Variants in MYO5A observed in about 807,000 individuals in gnomAD.
MYO5A encodes the protein unconventional myosin-Va.
MYO5A carries 98 observed loss-of-function variants against 249.7 expected under a neutral mutation model. The observed-to-expected ratio is 0.39, with a 90% CI of 0.33 to 0.46. The LOEUF is 0.46. MYO5A is among the 20% of genes least tolerant of loss of function. The pLI, the probability that MYO5A is intolerant of heterozygous loss-of-function variation, is 0.98. For synonymous variants in MYO5A, 778 were observed against 810.6 expected, an observed-to-expected ratio of 0.96 and a Z score of 0.68; for missense variants, 1,696 against 2,308.8, an observed-to-expected ratio of 0.73 and a Z score of 5.44.
At chr15:52,344,011 C>T (rs758387898) in intron 30 of MYO5A, among the ~76,000 whole-genome samples, 36 of 152,280 alleles carry the variant, frequency 2.4e-4, no homozygotes, top group Non-Finnish European at 4.3e-4. Context: ...CAGAGGAAGA[C>T]GCAGAGGCTT....
intron 35 of MYO5A, 57 bp from the exon 36 acceptor site, chr15:52,328,063 A>G: frequency 7.4e-7 from 1 of 1,360,418 alleles, no homozygotes; most frequent in Non-Finnish European, 1.0e-6. Flanking sequence ...CGAGGCATGC[A>G]TTGTGAGATA....
chr15:52,493,790 G>A lies in MYO5A; in HGVS notation c.27+34990C>T, dbSNP rs1028355089. Reference sequence around the variant, plus strand: ...ACAAGGTCCACACACTAGAAATACCGTGCATTCTGAGTTACTGTTACACAG... The same window carrying A: ...ACAAGGTCCACACACTAGAAATACCATGCATTCTGAGTTACTGTTACACAG... On this transcript the variant is annotated intron_variant, in intron 1 of 41. Transcript: ENST00000399233. Among the ~76,000 whole-genome samples, 9 of 152,280 alleles carry A rather than the reference G, an allele frequency of 5.9e-5. No homozygotes were observed. The East Asian group carries it at 1.2e-3, about 20-fold the overall frequency.
At chr15:52,357,191 T>A (rs1331495346) in intron 25 of MYO5A, among the ~76,000 whole-genome samples, 1 of 152,132 alleles carries the variant, frequency 6.6e-6, no homozygotes, top group Non-Finnish European at 1.5e-5. Context: ...TATTGAAGCT[T>A]ATTTACAATG....
At chr15:52,509,064 C>T (rs2077335674) in intron 1 of MYO5A, among the ~76,000 whole-genome samples, 1 of 151,922 alleles carries the variant, frequency 6.6e-6, no homozygotes, top group Non-Finnish European at 1.5e-5. Flanking sequence ...CTCAACCTCT[C>T]GGGCTCAAGT....
At chr15:52,396,490 G>A in intron 10 of MYO5A, 93 bp from the exon 11 acceptor site, 1 of 729,310 alleles carries the variant, frequency 1.4e-6, no homozygotes, top group East Asian at 2.7e-5. Context: ...GAAAGAAGTG[G>A]GACATTCCCC....
At chr15:52,515,290 G>A (rs2077474397) in intron 1 of MYO5A, among the ~76,000 whole-genome samples, 1 of 149,882 alleles carries the variant, frequency 6.7e-6, no homozygotes, top group African/African-American at 2.5e-5. Flanking sequence ...AAAAAAAAAA[G>A]AAAGAAAGAA....
intron 32 of MYO5A, among the ~76,000 whole-genome samples, chr15:52,339,545 A>C (rs1483407386): frequency 1.3e-5 from 2 of 151,542 alleles, no homozygotes; most frequent in Non-Finnish European, 2.9e-5. Flanking sequence ...GGAACAAGGC[A>C]AAAAAAAGAA....
Position 52,364,636 on chromosome 15 carries a change from A to C in MYO5A, c.3227T>G (p.Leu1076Arg). The C allele has an allele frequency of 6.2e-7, 1 of 1,613,678 alleles. No individual in the cohort carries two copies. Among genetic ancestry groups the C allele is most frequent in the Non-Finnish European group, 8.5e-7 (1 of 1,179,712 alleles). The change falls in exon 24 of 42, where the codon CTG (leucine) becomes CGG (arginine). Residue 1076 changes from leucine (L) to arginine (R), a missense_variant. Leu to Arg is a moderately radical substitution (Grantham distance 102, BLOSUM62 -2). Around this residue, in one of 5 missense-constraint regions of MYO5A, gnomAD observed 412 missense variants for 453.3 expected, o/e 0.91. Transcript: ENST00000399233. ...QLELDLNDER[L>R]RYQNLLNEFS... ...CTCATTCAGAAGGTTCTGATATCTC[A>C]GCCTTTCATCATTAAGGTCGAGTTC...
chr15:52,463,011 T>C (rs962706747), intron 1 of MYO5A, among the ~76,000 whole-genome samples: 20 of 152,142 alleles, frequency 1.3e-4, no homozygotes, highest in African/African-American at 4.1e-4. Context: ...GGGTTCTCAG[T>C]ATGACTGAGA....
intron 1 of MYO5A, among the ~76,000 whole-genome samples, chr15:52,453,445 A>G (rs954003802): frequency 3.3e-5 from 5 of 152,192 alleles, no homozygotes; most frequent in African/African-American, 4.8e-5. Flanking sequence ...GAGTTCTTCA[A>G]TGTGGAAGAA....
At chr15:52,475,331 A>G (rs1197676038) in intron 1 of MYO5A, among the ~76,000 whole-genome samples, 1 of 152,160 alleles carries the variant, frequency 6.6e-6, no homozygotes, top group Non-Finnish European at 1.5e-5. Context: ...ACCTTTTCAA[A>G]AAACCAGGTC....
At chr15:52,335,258 G>A (rs371328896) in intron 34 of MYO5A, among the ~76,000 whole-genome samples, 4 of 152,040 alleles carry the variant, frequency 2.6e-5, no homozygotes, top group Non-Finnish European at 5.9e-5. Context: ...GGTGGCTCAC[G>A]CCTATACCCA....
At position 52,334,911 on chromosome 15, in the gene MYO5A, C is replaced by A. The variant is rs946795298; in HGVS notation, c.4408+1552G>T. Among the ~76,000 whole-genome samples the A allele has an allele frequency of 2.0e-5, 3 of 152,320 alleles. No homozygotes were observed. The South Asian group carries it at 6.2e-4, about 32-fold the overall frequency. Reference sequence around the variant, plus strand: ...GTCTGGGTAATCAGGAAAGGCTACTCTTGAGGATGTGACATATGACTCTGG... The same window carrying A: ...GTCTGGGTAATCAGGAAAGGCTACTATTGAGGATGTGACATATGACTCTGG... On this transcript the variant is annotated intron_variant, in intron 34 of 41. Transcript: ENST00000399233.
At chr15:52,346,775 A>AAT (rs1010748751) in intron 29 of MYO5A, among the ~76,000 whole-genome samples, 1 of 132,094 alleles carries the variant, frequency 7.6e-6, no homozygotes, top group Non-Finnish European at 1.5e-5. Flanking sequence ...TGTGAAAAAA[A>AAT]ATATATATAT....
chr15:52,396,924 T>C (rs1292749369), intron 10 of MYO5A, among the ~76,000 whole-genome samples: 2 of 152,214 alleles, frequency 1.3e-5, no homozygotes, highest in Non-Finnish European at 2.9e-5. Flanking sequence ...TTTTTAGAAT[T>C]TCAGTGATAA....
chr15:52,437,135 C>T (rs188825067), intron 1 of MYO5A, among the ~76,000 whole-genome samples: 123 of 152,266 alleles, frequency 8.1e-4, no homozygotes, highest in Admixed American at 2.6e-3. Context: ...GGACACAGTC[C>T]ATAAACTGAG....
At chr15:52,473,660 C>G (rs922737680) in intron 1 of MYO5A, among the ~76,000 whole-genome samples, 1 of 152,120 alleles carries the variant, frequency 6.6e-6, no homozygotes, top group Non-Finnish European at 1.5e-5. Context: ...GAATCCTTTC[C>G]CCATTTCTTG....
At chr15:52,464,854 C>T (rs1318837935) in intron 1 of MYO5A, among the ~76,000 whole-genome samples, 3 of 152,168 alleles carry the variant, frequency 2.0e-5, no homozygotes. Flanking sequence ...TTGTACAACT[C>T]CTGCTTATGA....
rs923402332 is a variant in MYO5A at position 52,345,997 on chromosome 15, G to A, written c.3959+364C>T. 2.6e-5 allele frequency among the ~76,000 whole-genome samples: 4 copies of A among 152,234 alleles called. No individual in the cohort carries two copies. The South Asian group carries it at 8.3e-4, about 32-fold the overall frequency. On this transcript the variant is annotated intron_variant, in intron 30 of 41. Coordinates refer to ENST00000399233, the MANE Select transcript of MYO5A (RefSeq NM_001382347.1). ...GTTTCAAATATTGAAAACTGCAGTT[G>A]CCCCTACAAACCTTCACAAATAACC...
Sources: gnomAD v4.1 joint callset for allele counts (sites outside exome capture counted in the v4.1 genomes callset) on GRCh38, gnomAD v4.1.1 for gene constraint, gnomAD v4.1.1 regional missense constraint, MANE v1.5 for transcripts, NCBI Gene and HGNC (gene_info 2026-07-23, HGNC 2026-07-21) for gene names.